ATAD2B: variants seen among roughly 807,000 people sequenced by gnomAD.
The protein encoded by ATAD2B is ATPase family AAA domain-containing protein 2B.
A neutral mutation model predicts 167.6 loss-of-function variants in ATAD2B; 40 were observed. The ratio of observed to expected loss-of-function variants is 0.24; its 90% CI spans 0.19 to 0.31. The LOEUF (loss-of-function observed/expected upper bound fraction) is 0.31. ATAD2B is among the 10% of genes least tolerant of loss of function. ATAD2B has a pLI of 1.00. For synonymous variants in ATAD2B, 579 were observed against 596.5 expected (o/e 0.97, Z 0.43); for missense variants, 1,242 against 1,757.2 (o/e 0.71, Z 5.24).
At chr2:23,854,118 A>G (rs1163617402) in intron 13 of ATAD2B, among the ~76,000 whole-genome samples, 1 of 151,860 alleles carries the variant, frequency 6.6e-6, no homozygotes, top group Non-Finnish European at 1.5e-5. Context: ...GGTAGCACAC[A>G]CCTGTAATCC....
intron 20 of ATAD2B, among the ~76,000 whole-genome samples, chr2:23,787,357 T>A (rs574282462): frequency 2.6e-5 from 4 of 151,936 alleles, no homozygotes; most frequent in Non-Finnish European, 5.9e-5. Flanking sequence ...ATCGTAAACA[T>A]AGAAAATTCA....
chr2:23,684,341 TAA>T, the ATAD2B span: 280 of 989,790 alleles, frequency 2.8e-4, no homozygotes, highest in South Asian at 5.5e-4. This position sits in a 1 kb window ranked among gnomAD's most constrained non-coding sequence, Gnocchi z 4.4. Context: ...TTTTTTTAAT[TAA>T]AAAAAAAAAA....
At chr2:23,820,302 C>T (rs867799052) in intron 16 of ATAD2B, among the ~76,000 whole-genome samples, 2 of 152,166 alleles carry the variant, frequency 1.3e-5, no homozygotes, top group African/African-American at 2.4e-5. Context: ...AAGGAACAAA[C>T]TGACCCTTAT....
intron 13 of ATAD2B, among the ~76,000 whole-genome samples, chr2:23,836,287 A>G (rs1689953622): frequency 6.6e-6 from 1 of 152,142 alleles, no homozygotes; most frequent in South Asian, 2.1e-4. Context: ...TGGACCAGGC[A>G]CACTGCAAGC....
In ATAD2B at chr2:23,828,908, C is replaced by T; in HGVS notation, c.1760G>A (p.Arg587Lys). 6.2e-7 allele frequency: 1 copy of T among 1,608,960 alleles called. No homozygotes were observed. Among genetic ancestry groups the T allele is most frequent in the Non-Finnish European group, 8.5e-7 (1 of 1,177,462 alleles). Residue 587 changes from arginine to lysine, a missense_variant, in exon 15 of 28, where the codon AGG (arginine) becomes AAG (lysine). Transcript: ENST00000238789. Reference protein sequence around the residue: ...ARKHILQIHTRDWNPKLSDAF... With the variant: ...ARKHILQIHTKDWNPKLSDAF... ...ATCTGACAATTTTGGATTCCAGTCC[C>T]TGGTATGGATCTGTAAGATGTGTTT...
At chr2:23,720,363 C>T in the ATAD2B span, among the ~76,000 whole-genome samples, 1 of 152,006 alleles carries the variant, frequency 6.6e-6, no homozygotes, top group African/African-American at 2.4e-5. Flanking sequence ...CAGTTGAGGT[C>T]AGGAGTTTGA....
At chr2:23,696,424 C>T in the ATAD2B span, 3 of 1,551,356 alleles carry the variant, frequency 1.9e-6, no homozygotes, top group African/African-American at 4.1e-5. The surrounding 1 kb of genome is among the most constrained non-coding windows in gnomAD (Gnocchi z 5.5). Flanking sequence ...TGACAGTCCC[C>T]CGCTGTCGGC....
chr2:23,918,946 G>A (rs1050666892), intron 1 of ATAD2B, among the ~76,000 whole-genome samples: 3 of 152,186 alleles, frequency 2.0e-5, no homozygotes, highest in Non-Finnish European at 2.9e-5. Flanking sequence ...AGGATTGAAT[G>A]AGACAGCATT....
chr2:23,837,635 T>C (rs990289106), intron 13 of ATAD2B, among the ~76,000 whole-genome samples: 2 of 152,250 alleles, frequency 1.3e-5, no homozygotes, highest in African/African-American at 4.8e-5. Context: ...CCACTCCAGA[T>C]GGCCTGCCGC....
chr2:23,737,277 C>G, the ATAD2B span, among the ~76,000 whole-genome samples: 7 of 152,174 alleles, frequency 4.6e-5, no homozygotes, highest in Non-Finnish European at 1.0e-4. Flanking sequence ...CCCCCGAGTA[C>G]CCTAACTGGG....
chr2:23,919,369 A>C (rs1703561116), intron 1 of ATAD2B, among the ~76,000 whole-genome samples: 1 of 151,878 alleles, frequency 6.6e-6, no homozygotes, highest in African/African-American at 2.4e-5. Flanking sequence ...CAATGTGGCG[A>C]AACCCCATCT....
intron 19 of ATAD2B, among the ~76,000 whole-genome samples, chr2:23,789,749 A>C (rs1681371244): frequency 6.6e-6 from 1 of 152,188 alleles, no homozygotes; most frequent in Non-Finnish European, 1.5e-5. Context: ...ACCCTTAAAA[A>C]TTCCATAAAT....
At chr2:23,785,781 C>T (rs1680723754) in intron 21 of ATAD2B, 2 of 359,738 alleles carry the variant, frequency 5.6e-6, no homozygotes, top group East Asian at 4.5e-5. Flanking sequence ...CCTCTTAAAT[C>T]GAAGAGTAAG....
chr2:23,729,142 T>C, the ATAD2B span, among the ~76,000 whole-genome samples: 1 of 152,306 alleles, frequency 6.6e-6, no homozygotes, highest in East Asian at 1.9e-4. Flanking sequence ...AGGTCCCTCC[T>C]CCAACATTGG....
At chr2:23,832,163 C>G (rs1264695335) in intron 14 of ATAD2B, 1 of 460,146 alleles carries the variant, frequency 2.2e-6, no homozygotes. Flanking sequence ...ACATTTTCTT[C>G]ACTTGGCTAC....
intron 2 of ATAD2B, among the ~76,000 whole-genome samples, chr2:23,888,961 A>T (rs560667073): frequency 4.5e-4 from 69 of 152,224 alleles, no homozygotes; most frequent in Admixed American, 9.8e-4. Flanking sequence ...GTTACTAAAA[A>T]GGCCATCAAA....
chr2:23,852,054 G>A (rs1159783010), intron 13 of ATAD2B, among the ~76,000 whole-genome samples: 1 of 152,088 alleles, frequency 6.6e-6, no homozygotes, highest in Non-Finnish European at 1.5e-5. Context: ...TAGGTGAAAT[G>A]AACAAATTCC....
intron 13 of ATAD2B, among the ~76,000 whole-genome samples, chr2:23,835,991 G>C (rs1305381124): frequency 6.6e-6 from 1 of 152,006 alleles, no homozygotes; most frequent in Non-Finnish European, 1.5e-5. Context: ...TCCTTGTCAG[G>C]GTCGCTTTTC....
intron 21 of ATAD2B, among the ~76,000 whole-genome samples, chr2:23,784,774 G>T (rs1039323237): frequency 1.6e-5 from 2 of 125,598 alleles, no homozygotes; most frequent in African/African-American, 7.3e-5. Flanking sequence ...AAAACACTAT[G>T]GGGGGGGGGA....
Sources: allele counts gnomAD v4.1 joint callset (sites outside exome capture counted in the v4.1 genomes callset), GRCh38; gene constraint gnomAD v4.1.1; non-coding constraint Gnocchi (gnomAD v3.1); transcripts MANE v1.5; gene names NCBI Gene and HGNC (gene_info 2026-07-23, HGNC 2026-07-21).